AK9: variants seen among roughly 807,000 people sequenced by gnomAD.
AK9 encodes the protein adenylate kinase domain containing 1.
A neutral mutation model predicts 239.6 loss-of-function variants in AK9; 191 were observed. That is an observed-to-expected ratio of 0.80 (90% CI 0.71 to 0.90). The LOEUF (loss-of-function observed/expected upper bound fraction) is 0.90, where lower values mean the gene tolerates loss of function less well. AK9 is among the 40% of genes least tolerant of loss of function. The pLI is 0.00. For missense variants in AK9, 1,995 were observed against 2,214.7 expected (o/e 0.90, Z 1.99); for synonymous variants, 689 against 721.0 (o/e 0.96, Z 0.71).
chr6:109,568,848 T>C (rs950260534), intron 21 of AK9, among the ~76,000 whole-genome samples: 42 of 152,132 alleles, frequency 2.8e-4, no homozygotes, highest in Non-Finnish European at 5.6e-4. Flanking sequence ...AAAATGGCCA[T>C]ACTGCCCAAA....
rs1170944564 is a variant in AK9 at position 109,516,647 on chromosome 6, G to A, written c.3634-5C>T. 1 of 1,543,474 alleles carries A rather than the reference G, an allele frequency of 6.5e-7. No individual in the cohort carries two copies. The highest frequency in any genetic ancestry group is 2.0e-5 in the Admixed American group (1 of 50,898). On this transcript the variant is annotated splice_region_variant and splice_polypyrimidine_tract_variant and intron_variant, in intron 29 of 40. Transcript: ENST00000424296. ...TTCATCATCTCTAACAACATTCTAA[G>A]GAAGAAAATATTCCCTTTTACTATA...
intron 8 of AK9, among the ~76,000 whole-genome samples, chr6:109,654,329 T>C (rs1799382845): frequency 6.6e-6 from 1 of 151,766 alleles, no homozygotes; most frequent in African/African-American, 2.4e-5. Context: ...TTGTTTTATA[T>C]ATAATATATA....
chr6:109,554,385 G>A (rs2128170083), intron 24 of AK9, among the ~76,000 whole-genome samples: 1 of 152,194 alleles, frequency 6.6e-6, no homozygotes, highest in East Asian at 1.9e-4. Context: ...CTTGCTATTG[G>A]TCTACTCAGG....
intron 20 of AK9, among the ~76,000 whole-genome samples, chr6:109,576,083 T>C (rs1198869290): frequency 6.6e-6 from 1 of 152,178 alleles, no homozygotes; most frequent in Non-Finnish European, 1.5e-5. Context: ...ATCCTTGAAG[T>C]ATAGTTTGAA....
At chr6:109,527,516 C>G (rs1295846098) in intron 29 of AK9, 2 of 152,090 alleles carry the variant, frequency 1.3e-5, no homozygotes, top group Non-Finnish European at 2.9e-5. Context: ...CCAATAGTAA[C>G]AAGCACACTA....
At chr6:109,516,303 T>C in intron 30 of AK9, 127 bp downstream of exon 30, 1 of 927,792 alleles carries the variant, frequency 1.1e-6, no homozygotes, top group East Asian at 2.6e-5. Context: ...ATGATACCGA[T>C]AAAAGGAAAT....
intron 20 of AK9, among the ~76,000 whole-genome samples, chr6:109,577,987 A>G (rs974707458): frequency 4.2e-5 from 6 of 144,456 alleles, no homozygotes; most frequent in South Asian, 2.1e-4. Context: ...ACTGGAGTGC[A>G]GTGACACGAT....
chr6:109,624,144 C>T (rs747477301), intron 12 of AK9, among the ~76,000 whole-genome samples: 7 of 151,770 alleles, frequency 4.6e-5, no homozygotes, highest in Non-Finnish European at 8.8e-5. Context: ...CTTGAAAATA[C>T]ATCAGGTAAT....
At chr6:109,632,255 T>G (rs1031455058) in intron 12 of AK9, 15 of 985,380 alleles carry the variant, frequency 1.5e-5, no homozygotes, top group Non-Finnish European at 1.8e-5. Flanking sequence ...TCTAACACCT[T>G]TCTGTGGCCT....
intron 13 of AK9, among the ~76,000 whole-genome samples, chr6:109,615,058 T>C (rs1794001580): frequency 1.3e-5 from 2 of 152,204 alleles, no homozygotes; most frequent in South Asian, 4.1e-4. Flanking sequence ...TTTAATGTTA[T>C]AATTTAATGT....
At chr6:109,564,715 A>G in intron 22 of AK9, 41 bp downstream of exon 22, 2 of 1,434,504 alleles carry the variant, frequency 1.4e-6, no homozygotes, top group East Asian at 2.5e-5. Flanking sequence ...AAATATGAAA[A>G]GTACTTTTAT....
At chr6:109,685,724 T>C (rs1371442959) in intron 1 of AK9, among the ~76,000 whole-genome samples, 1 of 152,076 alleles carries the variant, frequency 6.6e-6, no homozygotes, top group Non-Finnish European at 1.5e-5. Context: ...ACTTAAAATA[T>C]AATAATAAAA....
rs537434793 is a variant in AK9 at position 109,598,208 on chromosome 6, T to G, written c.1843-12136A>C. Among the ~76,000 whole-genome samples the G allele has an allele frequency of 8.6e-5, 13 of 151,648 alleles. 1 individual carries two copies. The highest frequency in any genetic ancestry group is 6.8e-3 in the Middle Eastern group (2 of 294). ...CATTTACATTAGGTATATCTCCTAA[T>G]GCTATCCCTCCCCCCTCCCCCCACC... On this transcript the variant is annotated intron_variant, in intron 17 of 40. Transcript: ENST00000424296.
chr6:109,591,009 T>A (rs962840160), intron 17 of AK9, among the ~76,000 whole-genome samples: 1 of 152,202 alleles, frequency 6.6e-6, no homozygotes, highest in African/African-American at 2.4e-5. Context: ...TATGGTAGAA[T>A]GTTCTGTAAA....
intron 20 of AK9, among the ~76,000 whole-genome samples, chr6:109,579,181 T>A (rs563531539): frequency 2.6e-5 from 4 of 152,184 alleles, no homozygotes; most frequent in Admixed American, 6.6e-5. Context: ...TCTCAACTCC[T>A]GTAGGATGGT....
At chr6:109,592,446 C>CTTTTTTTTTTTTTTTT (rs55998817) in intron 17 of AK9, among the ~76,000 whole-genome samples, 1 of 126,760 alleles carries the variant, frequency 7.9e-6, no homozygotes, top group African/African-American at 2.9e-5. Flanking sequence ...AATGGGATTT[C>CTTTTTTTTTTTTTTTT]TTTTTTTTTT....
intron 17 of AK9, among the ~76,000 whole-genome samples, chr6:109,598,243 T>G: frequency 7.6e-6 from 1 of 131,728 alleles, no homozygotes. Flanking sequence ...CCCACAACAG[T>G]CCCCGGTGTG....
intron 35 of AK9, among the ~76,000 whole-genome samples, chr6:109,504,734 G>T (rs553732516): frequency 6.6e-6 from 1 of 152,092 alleles, no homozygotes; most frequent in Non-Finnish European, 1.5e-5. Context: ...GCTTGAACCC[G>T]GGAAGGGGAG....
chr6:109,549,511 G>A (rs1053945422), intron 25 of AK9, among the ~76,000 whole-genome samples: 1 of 152,104 alleles, frequency 6.6e-6, no homozygotes, highest in Non-Finnish European at 1.5e-5. Flanking sequence ...CATCTGTGGG[G>A]TTTGTCTGTG....
Sources: allele counts gnomAD v4.1 joint callset (sites outside exome capture counted in the v4.1 genomes callset), GRCh38; gene constraint gnomAD v4.1.1; transcripts MANE v1.5; gene names NCBI Gene and HGNC (gene_info 2026-07-23, HGNC 2026-07-21).